Variants in SIRT1 observed in about 807,000 individuals in gnomAD.
SIRT1 encodes NAD-dependent protein deacetylase sirtuin-1.
A neutral mutation model predicts 67.9 loss-of-function variants in SIRT1; 24 were observed. That is an observed-to-expected ratio of 0.35 (90% CI 0.26 to 0.50). SIRT1 has a LOEUF of 0.50. Among genes scored for constraint, SIRT1 ranks in the 20% least tolerant of loss-of-function variants. SIRT1 has a pLI of 0.98. For synonymous variants in SIRT1, 378 were observed against 350.7 expected (o/e 1.08, Z -0.87); for missense variants, 873 against 937.2 (o/e 0.93, Z 0.89).
chr10:67,903,665 G>A (rs35958411), intron 4 of SIRT1, among the ~76,000 whole-genome samples: 1,598 of 152,302 alleles, frequency 0.01, 14 homozygotes, highest in Non-Finnish European at 0.018. Context: ...GGGATTACAG[G>A]CATGAGCCAC....
chr10:67,892,068 C>A (rs902197343), intron 4 of SIRT1, among the ~76,000 whole-genome samples: 1 of 152,088 alleles, frequency 6.6e-6, no homozygotes, highest in African/African-American at 2.4e-5. Context: ...AAGCCACTAG[C>A]CACATGTGGC....
At chr10:67,904,131 T>TTG (rs1842785912) in intron 4 of SIRT1, among the ~76,000 whole-genome samples, 1 of 143,402 alleles carries the variant, frequency 7.0e-6, no homozygotes, top group Non-Finnish European at 1.5e-5. Context: ...TTGTTTGTTT[T>TTG]TTTTTTTTTT....
intron 7 of SIRT1, 145 bp from the exon 8 acceptor site, chr10:67,912,329 C>T (rs903993561): frequency 1.2e-5 from 8 of 659,164 alleles, no homozygotes; most frequent in Admixed American, 9.4e-5. Flanking sequence ...AATGTAATGG[C>T]TTGGTTAAGT....
chr10:67,904,864 G>A (rs1589079686), intron 4 of SIRT1, among the ~76,000 whole-genome samples: 1 of 150,088 alleles, frequency 6.7e-6, no homozygotes, highest in East Asian at 1.9e-4. Context: ...AAAAAAAGCA[G>A]GCTTATAAAA....
At chr10:67,900,769 A>G (rs1252249513) in intron 4 of SIRT1, among the ~76,000 whole-genome samples, 4 of 152,064 alleles carry the variant, frequency 2.6e-5, no homozygotes, top group Non-Finnish European at 5.9e-5. Context: ...AGCGTGGATG[A>G]CTGCTGGTTA....
intron 2 of SIRT1, among the ~76,000 whole-genome samples, chr10:67,888,276 G>A (rs1455008964): frequency 6.6e-6 from 1 of 152,114 alleles, no homozygotes; most frequent in East Asian, 1.9e-4. Flanking sequence ...ACATAGTGAA[G>A]ATCAGTTTCT....
At chr10:67,892,550 A>G (rs1842589824) in intron 4 of SIRT1, among the ~76,000 whole-genome samples, 1 of 152,138 alleles carries the variant, frequency 6.6e-6, no homozygotes. Flanking sequence ...CACCCTGGGC[A>G]ACAGAGCAAG....
chr10:67,910,457 C>T (rs143147016), intron 7 of SIRT1, among the ~76,000 whole-genome samples: 3 of 152,294 alleles, frequency 2.0e-5, no homozygotes, highest in African/African-American at 7.2e-5. Context: ...TAGAGTTCAA[C>T]TTAGACTTTT....
At chr10:67,905,797 C>T (rs1192812838) in intron 4 of SIRT1, among the ~76,000 whole-genome samples, 6 of 152,094 alleles carry the variant, frequency 3.9e-5, no homozygotes, top group Non-Finnish European at 8.8e-5. Flanking sequence ...GCTTTTTTCA[C>T]GTATGTCATG....
intron 5 of SIRT1, 90 bp downstream of exon 5, chr10:67,907,027 G>T: frequency 8.9e-7 from 1 of 1,123,932 alleles, no homozygotes; most frequent in Non-Finnish European, 1.2e-6. Context: ...GAGAAGTGGA[G>T]ATAAAGCATT....
At chr10:67,910,838 G>A (rs1221548135) in intron 7 of SIRT1, among the ~76,000 whole-genome samples, 2 of 152,208 alleles carry the variant, frequency 1.3e-5, no homozygotes, top group African/African-American at 4.8e-5. Flanking sequence ...AGAATCAGAG[G>A]AGGAGAGAGA....
intron 4 of SIRT1, among the ~76,000 whole-genome samples, chr10:67,892,009 A>G (rs984476853): frequency 6.6e-6 from 1 of 152,200 alleles, no homozygotes; most frequent in African/African-American, 2.4e-5. Context: ...TTTGTCAGCA[A>G]ATTGCAGAGG....
At chr10:67,906,320 G>C (rs758197734) in intron 4 of SIRT1, 2 of 1,548,262 alleles carry the variant, frequency 1.3e-6, no homozygotes, top group South Asian at 2.4e-5. Flanking sequence ...TAAACTTCCA[G>C]CAGGTTGATA....
intron 4 of SIRT1, among the ~76,000 whole-genome samples, chr10:67,903,530 C>A (rs906878904): frequency 6.6e-6 from 1 of 150,600 alleles, no homozygotes; most frequent in Non-Finnish European, 1.5e-5. Context: ...ACTACAGGCA[C>A]CCGCCACCAT....
chr10:67,901,969 A>G (rs1304662854), intron 4 of SIRT1, among the ~76,000 whole-genome samples: 1 of 149,222 alleles, frequency 6.7e-6, no homozygotes, highest in African/African-American at 2.5e-5. Flanking sequence ...AATAATTTTC[A>G]GGTATACAAT....
intron 4 of SIRT1, among the ~76,000 whole-genome samples, chr10:67,898,967 C>T (rs549693200): frequency 1.3e-5 from 2 of 152,182 alleles, no homozygotes; most frequent in East Asian, 3.9e-4. Context: ...AACTGTAATT[C>T]TGTATTTGTA....
In SIRT1 at chr10:67,900,424, T is replaced by C. The variant is rs567720921; in HGVS notation, c.943-6366T>C. 1.8e-4 allele frequency among the ~76,000 whole-genome samples: 27 copies of C among 152,114 alleles called. No individual in the cohort carries two copies. The East Asian group carries it at 5.2e-3, about 30-fold the overall frequency. On this transcript the variant is annotated intron_variant, in intron 4 of 8. Transcript: ENST00000212015. ...CCTCCCAAAGTGCTGGGTTTATAGG[T>C]GTGAGCCGCCGCGCTTGGCTCAACA... is the stretch of plus-strand genomic sequence containing the variant.
At chr10:67,910,290 G>A (rs921221206) in intron 7 of SIRT1, among the ~76,000 whole-genome samples, 3 of 152,052 alleles carry the variant, frequency 2.0e-5, no homozygotes, top group Non-Finnish European at 4.4e-5. Context: ...CATGAGAATC[G>A]CTTGAACTCA....
Position 67,916,636 on chromosome 10 carries a change from G to GGAAC in SIRT1, c.*44_*47dup. On this transcript the variant is annotated 3_prime_UTR_variant, in exon 9 of 9. Coordinates refer to ENST00000212015, the MANE Select transcript of SIRT1 (RefSeq NM_012238.5). ...TACAGGAATTGTTCCACCAGCATTA[G>GGAAC]GAACTTTAGCATGTCAAAATGAATG... 1 of 1,509,598 alleles carries GGAAC rather than the reference G, an allele frequency of 6.6e-7. No homozygotes were observed. The highest frequency in any genetic ancestry group is 1.3e-5 in the South Asian group (1 of 79,260). 93.5% of individuals were successfully genotyped at this position (1,509,598 alleles called of 1,614,324 possible).
Sources: allele counts gnomAD v4.1 joint callset (sites outside exome capture counted in the v4.1 genomes callset), GRCh38; gene constraint gnomAD v4.1.1; transcripts MANE v1.5; gene names NCBI Gene and HGNC (gene_info 2026-07-23, HGNC 2026-07-21).